Variants in GRID2 observed in about 807,000 individuals in gnomAD.
GRID2 encodes glutamate ionotropic receptor delta type subunit 2.
In GRID2, 33 loss-of-function variants were observed where a neutral mutation model predicts 114.8. The ratio of observed to expected loss-of-function variants is 0.29; its 90% CI spans 0.22 to 0.38. GRID2 has a LOEUF of 0.38. Ranked by LOEUF, GRID2 falls within the 10% of genes least tolerant of loss-of-function variation. The pLI, the probability that GRID2 is intolerant of heterozygous loss-of-function variation, is 1.00. For missense variants in GRID2, 1,184 were observed against 1,257.7 expected (o/e 0.94, Z 0.89); for synonymous variants, 505 against 449.9 (o/e 1.12, Z -1.55).
chr4:92,869,127 G>A (rs772401352), intron 2 of GRID2, among the ~76,000 whole-genome samples: 1 of 152,104 alleles, frequency 6.6e-6, no homozygotes, highest in Non-Finnish European at 1.5e-5. Context: ...TGTATTTATA[G>A]GGGTAAATTT....
intron 1 of GRID2, among the ~76,000 whole-genome samples, chr4:92,484,445 T>A (rs1002499278): frequency 6.6e-6 from 1 of 152,150 alleles, no homozygotes; most frequent in Non-Finnish European, 1.5e-5. Context: ...ATTATAGGAA[T>A]TGTGAATATT....
At chr4:92,927,031 A>T (rs1360650191) in intron 2 of GRID2, among the ~76,000 whole-genome samples, 1 of 151,912 alleles carries the variant, frequency 6.6e-6, no homozygotes, top group Non-Finnish European at 1.5e-5. Flanking sequence ...AAACCCCCAA[A>T]TCTGATACTT....
chr4:92,417,511 A>C (rs1169965380), intron 1 of GRID2, among the ~76,000 whole-genome samples: 1 of 152,048 alleles, frequency 6.6e-6, no homozygotes, highest in African/African-American at 2.4e-5. Flanking sequence ...CTAACGCTCC[A>C]GTAGAGTAAT....
chr4:92,406,549 A>C (rs1731035830), intron 1 of GRID2, among the ~76,000 whole-genome samples: 1 of 152,056 alleles, frequency 6.6e-6, no homozygotes, highest in Non-Finnish European at 1.5e-5. Flanking sequence ...TTTTTTAAAA[A>C]AATGTCAACT....
At chr4:93,538,177 G>A (rs907268765) in intron 13 of GRID2, among the ~76,000 whole-genome samples, 1 of 151,544 alleles carries the variant, frequency 6.6e-6, no homozygotes, top group Non-Finnish European at 1.5e-5. Context: ...GACTGGTGCA[G>A]GAAAAATAGA....
rs572527995 is a variant in GRID2 at position 93,024,881 on chromosome 4, C to A, written c.245-60114C>A. Among the ~76,000 whole-genome samples the A allele has an allele frequency of 4.0e-5, 6 of 151,560 alleles. No individual in the cohort carries two copies. The South Asian group carries it at 1.2e-3, about 32-fold the overall frequency. ...AGATTAAATAACCTATATTTTAATGCAACAAGGAGGAAGAGAAAGAGGAGA... is the reference window on the plus strand; with the variant it reads ...AGATTAAATAACCTATATTTTAATGAAACAAGGAGGAAGAGAAAGAGGAGA... On this transcript the variant is annotated intron_variant, in intron 2 of 15. Transcript: ENST00000282020.
At chr4:93,585,619 C>T (rs1737459250) in intron 13 of GRID2, among the ~76,000 whole-genome samples, 1 of 152,010 alleles carries the variant, frequency 6.6e-6, no homozygotes. Context: ...TTTCATTATT[C>T]TTCCACCCCA....
At chr4:92,356,335 C>T (rs1324985567) in intron 1 of GRID2, among the ~76,000 whole-genome samples, 1 of 151,200 alleles carries the variant, frequency 6.6e-6, no homozygotes, top group African/African-American at 2.4e-5. Flanking sequence ...ATTTTAAGTG[C>T]AAAACAAACT....
chr4:92,898,771 A>C (rs568648049), intron 2 of GRID2, among the ~76,000 whole-genome samples: 1 of 152,118 alleles, frequency 6.6e-6, no homozygotes, highest in Admixed American at 6.5e-5. Context: ...GCCAAATACC[A>C]TCCTTTTATA....
At position 93,210,160 on chromosome 4, in the gene GRID2, T is replaced by C. The variant is rs149586927; in HGVS notation, c.789+2703T>C. ...GCAATTGCTTTTGTCATCTTTGTCA[T>C]GAAATATTTGCCCATTTATATGTCT... On this transcript the variant is annotated intron_variant, in intron 5 of 15. Transcript: ENST00000282020. 4.0e-3 allele frequency among the ~76,000 whole-genome samples: 613 copies of C among 152,210 alleles called. 5 individuals are homozygous for C. Among genetic ancestry groups the C allele is most frequent in the African/African-American group, 0.014 (569 of 41,568 alleles).
intron 2 of GRID2, among the ~76,000 whole-genome samples, chr4:92,880,899 T>A (rs1257620762): frequency 6.6e-6 from 1 of 151,934 alleles, no homozygotes; most frequent in Non-Finnish European, 1.5e-5. Flanking sequence ...TTTTTTGTTT[T>A]GTTTTGTTTT....
intron 1 of GRID2, among the ~76,000 whole-genome samples, chr4:92,372,010 TGTG>T (rs1560591966): frequency 6.6e-6 from 1 of 152,116 alleles, no homozygotes; most frequent in South Asian, 2.1e-4. Flanking sequence ...TCACTACAAA[TGTG>T]GTAGAATCAG....
intron 1 of GRID2, among the ~76,000 whole-genome samples, chr4:92,498,744 G>A (rs886942018): frequency 2.0e-5 from 3 of 151,578 alleles, no homozygotes; most frequent in Non-Finnish European, 4.4e-5. Context: ...TAATCCCATC[G>A]ACATTCAGTT....
At chr4:93,273,173 G>A (rs888921305) in intron 8 of GRID2, among the ~76,000 whole-genome samples, 3 of 152,154 alleles carry the variant, frequency 2.0e-5, no homozygotes, top group African/African-American at 7.2e-5. Flanking sequence ...CAGAAGGCAG[G>A]ATCTTTCTCT....
intron 2 of GRID2, among the ~76,000 whole-genome samples, chr4:93,040,458 C>G (rs1349114760): frequency 6.6e-6 from 1 of 152,032 alleles, no homozygotes; most frequent in East Asian, 1.9e-4. Flanking sequence ...ATTTAATTGT[C>G]AGAAGTATAC....
intron 4 of GRID2, among the ~76,000 whole-genome samples, chr4:93,115,708 A>C (rs993227535): frequency 1.3e-5 from 2 of 152,142 alleles, no homozygotes; most frequent in African/African-American, 4.8e-5. Context: ...GGTGAAAGGT[A>C]TGTCTTACAT....
chr4:93,144,470 G>A (rs1359606844), intron 4 of GRID2, among the ~76,000 whole-genome samples: 1 of 152,172 alleles, frequency 6.6e-6, no homozygotes, highest in East Asian at 1.9e-4. Context: ...AGAAATAACT[G>A]CAGTCCATAA....
At chr4:92,905,520 A>G (rs1327220475) in intron 2 of GRID2, among the ~76,000 whole-genome samples, 3 of 152,146 alleles carry the variant, frequency 2.0e-5, no homozygotes, top group South Asian at 2.1e-4. Context: ...AATTGTTCTG[A>G]TGTTTGAAAT....
intron 1 of GRID2, among the ~76,000 whole-genome samples, chr4:92,417,845 C>T (rs530537216): frequency 7.9e-5 from 12 of 152,198 alleles, no homozygotes; most frequent in East Asian, 3.9e-4. Context: ...ATGCTGTTCT[C>T]GTGGTAGTGA....
Sources: allele counts gnomAD v4.1 joint callset (sites outside exome capture counted in the v4.1 genomes callset), GRCh38; gene constraint gnomAD v4.1.1; transcripts MANE v1.5; gene names NCBI Gene and HGNC (gene_info 2026-07-23, HGNC 2026-07-21).